CRISP2: variants seen among roughly 807,000 people sequenced by gnomAD.
CRISP2 encodes cysteine rich secretory protein 2, also known as cysteine-rich secretory protein 2.
A neutral mutation model predicts 31.7 loss-of-function variants in CRISP2; 29 were observed. The observed-to-expected ratio is 0.92, with a 90% CI of 0.68 to 1.25. CRISP2 has a LOEUF of 1.25. Ranked by LOEUF, CRISP2 falls within the 50% of genes most tolerant of loss-of-function variation. The pLI, the probability that CRISP2 is intolerant of heterozygous loss-of-function variation, is 0.00. For synonymous variants in CRISP2, 111 were observed against 101.4 expected (o/e 1.09, Z -0.57); for missense variants, 318 against 286.5 (o/e 1.11, Z -0.79).
chr6:49,705,705 C>T (rs928964729), intron 4 of CRISP2, among the ~76,000 whole-genome samples: 2 of 152,188 alleles, frequency 1.3e-5, no homozygotes, highest in Non-Finnish European at 2.9e-5. Context: ...GGAGTGCCTA[C>T]AGGGCTCTTC....
the CRISP2 span, among the ~76,000 whole-genome samples, chr6:49,678,493 A>G: frequency 2.0e-5 from 3 of 152,156 alleles, no homozygotes; most frequent in Non-Finnish European, 4.4e-5. Context: ...CAATGGAGAC[A>G]AAAGAAAGTT....
intron 3 of CRISP2, 104 bp from the exon 4 acceptor site, chr6:49,709,309 G>T: frequency 1.1e-6 from 1 of 938,598 alleles, no homozygotes; most frequent in Non-Finnish European, 1.6e-6. Context: ...AAGGAACTGT[G>T]ATTCCCAGAT....
chr6:49,688,393 A>G (rs546092493), downstream of CRISP2, among the ~76,000 whole-genome samples: 20 of 152,338 alleles, frequency 1.3e-4, no homozygotes, highest in African/African-American at 4.3e-4. Flanking sequence ...GGAAATATAC[A>G]GAATATAAAT....
chr6:49,682,549 C>A, the CRISP2 span, among the ~76,000 whole-genome samples: 2 of 97,466 alleles, frequency 2.1e-5, no homozygotes, highest in Non-Finnish European at 3.8e-5. Flanking sequence ...CTCCCTCCTT[C>A]CCTCCATCTT....
the CRISP2 span, among the ~76,000 whole-genome samples, chr6:49,685,328 C>T: frequency 3.5e-5 from 5 of 143,884 alleles, no homozygotes; most frequent in African/African-American, 9.7e-5. Context: ...AAGGTTGTCT[C>T]TGCAGTGACT....
At chr6:49,681,394 A>T in the CRISP2 span, among the ~76,000 whole-genome samples, 1,985 of 152,214 alleles carry the variant, frequency 0.013, 20 homozygotes, top group South Asian at 0.032. Flanking sequence ...TGTTTTGGTT[A>T]CTAAGCCCTG....
downstream of CRISP2, among the ~76,000 whole-genome samples, chr6:49,689,494 A>C (rs2127378716): frequency 6.6e-6 from 1 of 152,258 alleles, no homozygotes; most frequent in East Asian, 1.9e-4. Flanking sequence ...TTATGTGCCA[A>C]GCAGTATTTT....
chr6:49,699,620 A>C (rs1292570702), intron 6 of CRISP2, among the ~76,000 whole-genome samples, 184 bp downstream of exon 6: 1 of 152,178 alleles, frequency 6.6e-6, no homozygotes, highest in Non-Finnish European at 1.5e-5. Context: ...TAATGTACAC[A>C]ATAAAAAAAC....
the CRISP2 span, among the ~76,000 whole-genome samples, chr6:49,677,782 A>G: frequency 2.0e-5 from 3 of 152,176 alleles, no homozygotes; most frequent in East Asian, 5.8e-4. Context: ...CATACACTTA[A>G]GGAAGTCTAG....
At position 49,695,908 on chromosome 6, in the gene CRISP2, T is replaced by C. The variant is rs373164589; in HGVS notation, c.532A>G (p.Arg178Gly). Reference sequence around the variant, plus strand: ...CCTTGTTGGTACGGGGTATTCTTTCTATTCATATTATTACCACTGAAATTT... The same window carrying C: ...CCTTGTTGGTACGGGGTATTCTTTCCATTCATATTATTACCACTGAAATTT... ...QYCPAGNNMN[R>G]KNTPYQQGTP... Residue 178 changes from arginine (R) to glycine (G), a missense_variant, in exon 9 of 10, where the codon AGA (arginine) becomes GGA (glycine). Coordinates refer to ENST00000339139, the MANE Select transcript of CRISP2 (RefSeq NM_003296.4). 6.2e-7 allele frequency: 1 copy of C among 1,610,678 alleles called. No homozygotes were observed.
chr6:49,701,873 A>G (rs1459077134), intron 4 of CRISP2, among the ~76,000 whole-genome samples: 1 of 100,800 alleles, frequency 9.9e-6, no homozygotes, highest in Non-Finnish European at 1.9e-5. Context: ...ATTATATATT[A>G]TGTATTATAT....
the CRISP2 span, among the ~76,000 whole-genome samples, chr6:49,685,745 C>A: frequency 2.3e-4 from 35 of 152,098 alleles, no homozygotes; most frequent in South Asian, 6.7e-3. Flanking sequence ...CTCATTAGGT[C>A]GGCTGTTTTT....
chr6:49,698,942 G>T (rs182092747), intron 6 of CRISP2, among the ~76,000 whole-genome samples: 2 of 152,150 alleles, frequency 1.3e-5, no homozygotes, highest in East Asian at 3.9e-4. Flanking sequence ...CTGAAAAAAA[G>T]ACTTTATAGG....
chr6:49,699,472 C>T (rs749647618), intron 6 of CRISP2, among the ~76,000 whole-genome samples: 24 of 151,956 alleles, frequency 1.6e-4, no homozygotes, highest in African/African-American at 5.3e-4. Flanking sequence ...TCTAGTATGA[C>T]ACTGTTTCAG....
chr6:49,703,334 T>G (rs921156114), intron 4 of CRISP2, among the ~76,000 whole-genome samples: 3 of 152,088 alleles, frequency 2.0e-5, no homozygotes, highest in Admixed American at 1.3e-4. Flanking sequence ...ATTTTAGAAT[T>G]GTATTTTCTA....
intron 2 of CRISP2, among the ~76,000 whole-genome samples, chr6:49,711,530 G>A (rs1416796246): frequency 6.6e-6 from 1 of 152,152 alleles, no homozygotes; most frequent in African/African-American, 2.4e-5. Flanking sequence ...ACATGAGTAA[G>A]TAAATCATGC....
Position 49,692,914 on chromosome 6 carries a change from A to AGAT in CRISP2, c.605-17_605-15dup. 6.2e-7 allele frequency: 1 copy of AGAT among 1,612,274 alleles called. No individual in the cohort carries two copies. Reference sequence around the variant, plus strand: ...GGCAACTATTGGCTGTAACAAAAACAGATTAGTTAACTCATTATCGTTTTC... The same window carrying AGAT: ...GGCAACTATTGGCTGTAACAAAAACAGATGATTAGTTAACTCATTATCGTTTTC... On this transcript the variant is annotated splice_polypyrimidine_tract_variant and intron_variant, in intron 9 of 9. Transcript: ENST00000339139.
chr6:49,704,310 C>A (rs1766619525), intron 4 of CRISP2, among the ~76,000 whole-genome samples: 1 of 152,030 alleles, frequency 6.6e-6, no homozygotes, highest in Admixed American at 6.6e-5. Context: ...TCTGGTTCCT[C>A]CTTGAGAAGC....
chr6:49,683,330 T>G, the CRISP2 span, among the ~76,000 whole-genome samples: 1 of 151,906 alleles, frequency 6.6e-6, no homozygotes, highest in African/African-American at 2.4e-5. Context: ...CCAGGACCCT[T>G]CAAGGTTTAA....
Sources: allele counts gnomAD v4.1 joint callset (sites outside exome capture counted in the v4.1 genomes callset), GRCh38; gene constraint gnomAD v4.1.1; transcripts MANE v1.5; gene names NCBI Gene and HGNC (gene_info 2026-07-23, HGNC 2026-07-21).